Variants in ARHGAP32 observed in about 807,000 individuals in gnomAD.
The protein encoded by ARHGAP32 is rho GTPase-activating protein 32.
In ARHGAP32, 51 loss-of-function variants were observed where a neutral mutation model predicts 186.5. That is an observed-to-expected ratio of 0.27 (90% CI 0.22 to 0.35). The LOEUF (loss-of-function observed/expected upper bound fraction) is 0.35. Among genes scored for constraint, ARHGAP32 ranks in the 10% least tolerant of loss-of-function variants. ARHGAP32 has a pLI of 1.00. For synonymous variants in ARHGAP32, 950 were observed against 964.3 expected (o/e 0.99, Z 0.27); for missense variants, 2,186 against 2,623.5 (o/e 0.83, Z 3.64).
intron 6 of ARHGAP32, among the ~76,000 whole-genome samples, chr11:129,082,814 C>A (rs1047452865): frequency 2.6e-5 from 4 of 152,060 alleles, no homozygotes; most frequent in Non-Finnish European, 4.4e-5. Context: ...AAAATCTCCA[C>A]AAACTATGCA....
At chr11:128,989,846 T>C (rs777227990) in intron 12 of ARHGAP32, among the ~76,000 whole-genome samples, 16 of 152,092 alleles carry the variant, frequency 1.1e-4, no homozygotes, top group Non-Finnish European at 2.1e-4. Flanking sequence ...TTGCTGAGAA[T>C]GATGGCTTCC....
chr11:129,227,580 G>A (rs1944803333), intron 1 of ARHGAP32, among the ~76,000 whole-genome samples: 1 of 151,606 alleles, frequency 6.6e-6, no homozygotes, highest in Non-Finnish European at 1.5e-5. Flanking sequence ...GGATGGAAAA[G>A]CTATTTCATG....
chr11:129,143,273 GT>G (rs1943099817), intron 2 of ARHGAP32, among the ~76,000 whole-genome samples: 1 of 152,028 alleles, frequency 6.6e-6, no homozygotes, highest in East Asian at 1.9e-4. Context: ...CAGAGACAAT[GT>G]AGGGGAAATC....
intron 9 of ARHGAP32, 36 bp downstream of exon 9, chr11:129,063,866 A>C (rs367703275): frequency 1.8e-5 from 28 of 1,577,374 alleles, no homozygotes; most frequent in Non-Finnish European, 2.3e-5. Flanking sequence ...AAAGTTAGCA[A>C]GAACCAAATA....
intron 11 of ARHGAP32, chr11:129,023,990 C>T (rs1271093218): frequency 1.0e-6 from 1 of 985,336 alleles, no homozygotes; most frequent in African/African-American, 1.7e-5. Flanking sequence ...CATAATCCAA[C>T]TGGTTCCAAC....
chr11:129,242,741 A>C (rs1015856744), intron 1 of ARHGAP32, among the ~76,000 whole-genome samples: 4 of 151,956 alleles, frequency 2.6e-5, no homozygotes, highest in Admixed American at 2.0e-4. Flanking sequence ...GATAAAGAAA[A>C]AAGAAATCTA....
At chr11:129,188,491 A>G (rs1162187833) in intron 1 of ARHGAP32, among the ~76,000 whole-genome samples, 4 of 152,154 alleles carry the variant, frequency 2.6e-5, no homozygotes, top group African/African-American at 9.7e-5. Flanking sequence ...TAGAAGATGT[A>G]CAATACCACA....
intron 19 of ARHGAP32, among the ~76,000 whole-genome samples, chr11:128,978,110 C>T (rs79288151): frequency 2.0e-5 from 3 of 152,098 alleles, no homozygotes; most frequent in African/African-American, 7.2e-5. Flanking sequence ...GAGGTACTAC[C>T]CTAATTTTCT....
At chr11:129,015,832 G>A (rs1365458596) in intron 11 of ARHGAP32, among the ~76,000 whole-genome samples, 5 of 152,244 alleles carry the variant, frequency 3.3e-5, no homozygotes, top group South Asian at 4.1e-4. Context: ...GAGTTTACAA[G>A]TGTTTGTTCT....
chr11:129,102,273 C>G (rs141996984), intron 5 of ARHGAP32, among the ~76,000 whole-genome samples: 21 of 152,284 alleles, frequency 1.4e-4, no homozygotes, highest in African/African-American at 3.8e-4. Flanking sequence ...ACCAATGATA[C>G]TATAAAGCAA....
chr11:129,154,418 G>T (rs948108509), intron 2 of ARHGAP32, among the ~76,000 whole-genome samples: 3 of 152,138 alleles, frequency 2.0e-5, no homozygotes, highest in Non-Finnish European at 4.4e-5. Flanking sequence ...ATATGAAAAA[G>T]ACACTTGCAT....
At position 128,968,961 on chromosome 11, in the gene ARHGAP32, G is replaced by A. The variant is rs1308668993; in HGVS notation, c.6252C>T (p.Phe2084=). The A allele has an allele frequency of 1.3e-6, 2 of 1,571,546 alleles. No individual in the cohort carries two copies. Among genetic ancestry groups the A allele is most frequent in the Non-Finnish European group, 1.7e-6 (2 of 1,153,824 alleles). ...GCTGCAAGGACAACTCTGCGGGCAG[G>A]AAGGCCCCTTGACCCAACGCTGTAG... ...TYATALGQGA[F]LPAELSLQHP... The change falls in exon 23 of 23, where the codon TTC becomes TTT. Residue 2084 remains phenylalanine, a synonymous_variant. Transcript: ENST00000682385.
intron 12 of ARHGAP32, among the ~76,000 whole-genome samples, 195 bp downstream of exon 12, chr11:128,998,124 C>T (rs2134732895): frequency 6.6e-6 from 1 of 152,298 alleles, no homozygotes; most frequent in South Asian, 2.1e-4. Flanking sequence ...ACGAACATCT[C>T]TAATGCCAAA....
At chr11:129,162,392 G>T (rs1338755513) in intron 2 of ARHGAP32, among the ~76,000 whole-genome samples, 1 of 152,154 alleles carries the variant, frequency 6.6e-6, no homozygotes, top group Admixed American at 6.6e-5. Context: ...CAAGGCAAAT[G>T]ATTTCAGTGG....
At chr11:129,223,603 C>G (rs1263569570) in intron 1 of ARHGAP32, among the ~76,000 whole-genome samples, 1 of 152,170 alleles carries the variant, frequency 6.6e-6, no homozygotes. Context: ...TTTATGAATA[C>G]AGATGTTTTC....
At chr11:129,135,491 G>A (rs1942916246) in intron 2 of ARHGAP32, among the ~76,000 whole-genome samples, 1 of 152,216 alleles carries the variant, frequency 6.6e-6, no homozygotes, top group Non-Finnish European at 1.5e-5. Flanking sequence ...ACGCTGGCCG[G>A]GCGTGGTGGC....
intron 5 of ARHGAP32, among the ~76,000 whole-genome samples, chr11:129,120,322 G>A (rs1163452169): frequency 6.6e-6 from 1 of 152,086 alleles, no homozygotes; most frequent in Non-Finnish European, 1.5e-5. Context: ...AGCAGAAAGA[G>A]CAGGTCTGAA....
At chr11:129,223,775 T>C (rs367686894) in intron 1 of ARHGAP32, among the ~76,000 whole-genome samples, 352 of 152,306 alleles carry the variant, frequency 2.3e-3, no homozygotes, top group African/African-American at 8.3e-3. Context: ...AAGAGATTTC[T>C]ACATGCCAGG....
At chr11:129,002,320 T>C (rs1030144622) in intron 11 of ARHGAP32, among the ~76,000 whole-genome samples, 1 of 152,210 alleles carries the variant, frequency 6.6e-6, no homozygotes, top group African/African-American at 2.4e-5. Context: ...ATTTCTTTGG[T>C]TAATTCCTAG....
Sources: allele counts gnomAD v4.1 joint callset (sites outside exome capture counted in the v4.1 genomes callset), GRCh38; gene constraint gnomAD v4.1.1; transcripts MANE v1.5; gene names NCBI Gene and HGNC (gene_info 2026-07-23, HGNC 2026-07-21).